RGS22: variants seen among roughly 807,000 people sequenced by gnomAD.
The protein encoded by RGS22 is regulator of G protein signaling 22, also known as regulator of G-protein signaling 22.
In RGS22, 148 loss-of-function variants were observed where a neutral mutation model predicts 172.9. That is an observed-to-expected ratio of 0.86 (90% CI 0.75 to 0.98). The LOEUF (loss-of-function observed/expected upper bound fraction) is 0.98, where lower values mean the gene tolerates loss of function less well. Among genes scored for constraint, RGS22 ranks in the 50% least tolerant of loss-of-function variants. The pLI, the probability that RGS22 is intolerant of heterozygous loss-of-function variation, is 0.00. For synonymous variants in RGS22, 458 were observed against 480.2 expected (o/e 0.95, Z 0.60); for missense variants, 1,347 against 1,440.8 (o/e 0.93, Z 1.05).
intron 11 of RGS22, among the ~76,000 whole-genome samples, chr8:100,045,939 C>T (rs1455714805): frequency 2.6e-5 from 4 of 151,644 alleles, no homozygotes; most frequent in Non-Finnish European, 4.4e-5. Context: ...AACAATGTCA[C>T]GTCCATCAAT....
At chr8:100,012,479 G>A (rs1204142145) in intron 14 of RGS22, among the ~76,000 whole-genome samples, 1 of 152,076 alleles carries the variant, frequency 6.6e-6, no homozygotes, top group Non-Finnish European at 1.5e-5. Flanking sequence ...CATTTTGGGA[G>A]GCCAAGGTGG....
In RGS22 at chr8:100,006,111, T is replaced by TA. The variant is rs760280327; in HGVS notation, c.2362-3dup. The TA allele has an allele frequency of 9.4e-6, 15 of 1,604,078 alleles. No individual in the cohort carries two copies. The highest frequency in any genetic ancestry group is 3.3e-5 in the South Asian group (3 of 90,132). ...TCGAGTTTCTTCCACCAGCTCCACC[T>TA]AAAAAAAATAAATAAAGCTTGTGAC... On this transcript the variant is annotated splice_region_variant and splice_polypyrimidine_tract_variant and intron_variant, in intron 15 of 27. Coordinates refer to ENST00000360863, the MANE Select transcript of RGS22 (RefSeq NM_015668.5).
rs761863417 is a variant in RGS22, at chr8:100,066,188, G to A, written c.703C>T (p.Pro235Ser). ...CCVPYNKLKS[P>S]AISSVSENFI... ...TTACCAGAAACAGATGAAATAGCTGGTGATTTAAGTTTGTTGTAGGGTACA... is the reference window on the plus strand; with the variant it reads ...TTACCAGAAACAGATGAAATAGCTGATGATTTAAGTTTGTTGTAGGGTACA... The change falls in exon 7 of 28, where the codon CCA (proline) becomes TCA (serine). Residue 235 changes from proline to serine, a missense_variant. Pro to Ser is a moderately conservative substitution (Grantham distance 74, BLOSUM62 -1). Transcript: ENST00000360863. 1.2e-6 allele frequency: 2 copies of A among 1,612,610 alleles called. No individual in the cohort carries two copies. Among genetic ancestry groups the A allele is most frequent in the South Asian group, 2.2e-5 (2 of 90,736 alleles).
rs758991385 is a variant in RGS22 at position 99,982,081 on chromosome 8, G to T, written c.3216C>A (p.Ile1072=). The part of the protein sequence containing the change: ...LCHSHCDESV[I]QKKITTIINC... The stretch of plus-strand genomic sequence containing the variant: ...TGATAATAGTTGTAATCTTCTTCTG[G>T]ATGACAGACTCATCACAATGAGAAT... The change falls in exon 22 of 28, where the codon ATC becomes ATA. Residue 1072 remains isoleucine, a synonymous_variant. Coordinates refer to ENST00000360863, the MANE Select transcript of RGS22 (RefSeq NM_015668.5). 3.7e-6 allele frequency: 6 copies of T among 1,613,330 alleles called. No individual in the cohort carries two copies. The highest frequency in any genetic ancestry group is 5.1e-6 in the Non-Finnish European group (6 of 1,179,678).
intron 26 of RGS22, 101 bp downstream of exon 26, chr8:99,962,586 C>T: frequency 7.1e-7 from 1 of 1,400,544 alleles, no homozygotes; most frequent in Non-Finnish European, 1.0e-6. Context: ...AGGGGTCGGT[C>T]CTCACCCCTT....
intron 3 of RGS22, among the ~76,000 whole-genome samples, chr8:100,092,890 T>C (rs1213207395): frequency 6.6e-6 from 1 of 152,248 alleles, no homozygotes; most frequent in Non-Finnish European, 1.5e-5. Context: ...TATAAAACTC[T>C]AGTTGCCTTA....
chr8:100,104,571 TTC>T (rs575882347), intron 2 of RGS22, among the ~76,000 whole-genome samples: 157 of 152,262 alleles, frequency 1.0e-3, no homozygotes, highest in African/African-American at 3.0e-3. Flanking sequence ...TAGCCCTTTC[TTC>T]TCTCTTAGTC....
rs201970698 is a variant in RGS22, at chr8:100,052,794, C to T, written c.1689+8G>A. ...TAGTAGAGATCACAGCATGAATGTACACCCTACCTGGATCTCAGGTATCTG... is the reference window on the plus strand; with the variant it reads ...TAGTAGAGATCACAGCATGAATGTATACCCTACCTGGATCTCAGGTATCTG... On this transcript the variant is annotated splice_region_variant and intron_variant, in intron 10 of 27. Coordinates refer to ENST00000360863, the MANE Select transcript of RGS22 (RefSeq NM_015668.5). 9.3e-5 allele frequency: 150 copies of T among 1,611,472 alleles called. No homozygotes were observed. In the African/African-American group the frequency reaches 1.6e-3, roughly 18 times the overall value.
At chr8:100,049,998 G>A (rs1821110298) in intron 10 of RGS22, among the ~76,000 whole-genome samples, 2 of 147,944 alleles carry the variant, frequency 1.4e-5, no homozygotes, top group Non-Finnish European at 3.0e-5. Flanking sequence ...GTGGTGAGCC[G>A]AGACCATGCC....
At position 100,062,749 on chromosome 8, in the gene RGS22, A is replaced by T. The variant is rs1810244404; in HGVS notation, c.1356T>A (p.His452Gln). 1 of 1,595,830 alleles carries T rather than the reference A, an allele frequency of 6.3e-7. No individual in the cohort carries two copies. The highest frequency in any genetic ancestry group is 8.5e-7 in the Non-Finnish European group (1 of 1,172,496). ...GATAGCATTTTTTCATCTTCTCAAG[A>T]TGTCTGAAATAAAACACATTTCCAT... is the stretch of plus-strand genomic sequence containing the variant. Reference protein sequence around the residue: ...VLKDPGRHQRHLEKMKKCYLV... With the variant: ...VLKDPGRHQRQLEKMKKCYLV... The change falls in exon 9 of 28, where the codon CAT becomes CAA. Residue 452 changes from histidine to glutamine, a missense_variant. By Grantham distance (24) the His-to-Gln change is conservative. Coordinates refer to ENST00000360863, the MANE Select transcript of RGS22 (RefSeq NM_015668.5).
At chr8:100,053,125 G>C in intron 9 of RGS22, 149 bp from the exon 10 acceptor site, 1 of 693,528 alleles carries the variant, frequency 1.4e-6, no homozygotes, top group Admixed American at 3.0e-5. Flanking sequence ...CTACTACATA[G>C]CCTTGAAAAA....
At position 99,969,069 on chromosome 8, in the gene RGS22, A is replaced by G. The variant is rs147902495; in HGVS notation, c.3520-3639T>C. ...CAGAAACCCCATAGGGTAAGCCAGG[A>G]AAGAGTTGGGGCCAATATTCAACAA... On this transcript the variant is annotated intron_variant, in intron 23 of 27. Coordinates refer to ENST00000360863, the MANE Select transcript of RGS22 (RefSeq NM_015668.5). 4.1e-4 allele frequency among the ~76,000 whole-genome samples: 63 copies of G among 152,314 alleles called. No homozygotes were observed. The East Asian group carries it at 0.011, about 27-fold the overall frequency.
intron 3 of RGS22, among the ~76,000 whole-genome samples, chr8:100,084,535 A>G (rs188939110): frequency 6.6e-6 from 1 of 152,340 alleles, no homozygotes; most frequent in East Asian, 1.9e-4. Flanking sequence ...TATATGTAAA[A>G]ATGTTTATAC....
intron 6 of RGS22, 131 bp downstream of exon 6, chr8:100,071,238 T>C (rs1810948047): frequency 4.1e-6 from 3 of 739,214 alleles, no homozygotes; most frequent in African/African-American, 1.8e-5. Context: ...CAGTGAGCCA[T>C]GATCATATCA....
intron 12 of RGS22, among the ~76,000 whole-genome samples, chr8:100,041,522 G>T (rs1012844323): frequency 1.3e-5 from 2 of 151,232 alleles, no homozygotes; most frequent in African/African-American, 4.9e-5. Flanking sequence ...CTTCTAAAAT[G>T]TAACATCAAA....
intron 14 of RGS22, among the ~76,000 whole-genome samples, chr8:100,010,161 C>A (rs934339254): frequency 1.3e-5 from 2 of 152,014 alleles, no homozygotes; most frequent in African/African-American, 4.8e-5. Flanking sequence ...ACCCCACATA[C>A]CTTGTCTGCT....
At chr8:99,975,137 C>T (rs1378728829) in intron 23 of RGS22, among the ~76,000 whole-genome samples, 2 of 150,896 alleles carry the variant, frequency 1.3e-5, no homozygotes, top group Non-Finnish European at 3.0e-5. Context: ...CAGAGTGAGA[C>T]TCCATCTCAA....
intron 20 of RGS22, 33 bp from the exon 21 acceptor site, chr8:99,987,652 C>A (rs1042983181): frequency 4.1e-6 from 6 of 1,454,670 alleles, no homozygotes; most frequent in Non-Finnish European, 5.5e-6. Context: ...GAAATTAGCT[C>A]ATTAATTAGG....
intron 19 of RGS22, 111 bp from the exon 20 acceptor site, chr8:99,996,641 A>G (rs547915574): frequency 1.1e-5 from 10 of 914,452 alleles, no homozygotes; most frequent in African/African-American, 3.3e-5. Flanking sequence ...GACAAGAGAT[A>G]GTGAAGTTTA....
Sources: allele counts gnomAD v4.1 joint callset (sites outside exome capture counted in the v4.1 genomes callset), GRCh38; gene constraint gnomAD v4.1.1; transcripts MANE v1.5; gene names NCBI Gene and HGNC (gene_info 2026-07-23, HGNC 2026-07-21).